Variants in FGGY observed in about 807,000 individuals in gnomAD.
The protein encoded by FGGY is FGGY carbohydrate kinase domain containing.
FGGY carries 72 observed loss-of-function variants against 71.3 expected under a neutral mutation model. The ratio of observed to expected loss-of-function variants is 1.01; its 90% confidence interval spans 0.84 to 1.23. The LOEUF (loss-of-function observed/expected upper bound fraction) is 1.23, where lower values mean the gene tolerates loss of function less well. FGGY is among the 50% of genes most tolerant of loss of function. FGGY has a pLI of 0.00. For missense variants in FGGY, 668 were observed against 682.3 expected, an observed-to-expected ratio of 0.98 and a Z score of 0.23; for synonymous variants, 251 against 250.3, an observed-to-expected ratio of 1.00 and a Z score of -0.02.
intron 6 of FGGY, among the ~76,000 whole-genome samples, chr1:59,494,208 G>C (rs1185538815): frequency 6.6e-6 from 1 of 152,170 alleles, no homozygotes; most frequent in Non-Finnish European, 1.5e-5. Flanking sequence ...CAGTAAGCAA[G>C]TATATACATA....
chr1:59,390,559 C>G (rs2060575857), intron 5 of FGGY, among the ~76,000 whole-genome samples: 1 of 152,158 alleles, frequency 6.6e-6, no homozygotes, highest in Non-Finnish European at 1.5e-5. Context: ...CTTAGAAGAT[C>G]TACGTCATAC....
At chr1:59,390,357 G>T (rs76391865) in intron 5 of FGGY, among the ~76,000 whole-genome samples, 1 of 152,066 alleles carries the variant, frequency 6.6e-6, no homozygotes, top group Non-Finnish European at 1.5e-5. Flanking sequence ...TCCCCATAAA[G>T]TCATCAAGGA....
chr1:59,515,512 CA>C (rs757041144), intron 7 of FGGY, among the ~76,000 whole-genome samples: 30 of 152,136 alleles, frequency 2.0e-4, no homozygotes, highest in African/African-American at 2.7e-4. Flanking sequence ...TGGGAGGGGC[CA>C]GGGGCGGAAT....
At chr1:59,499,299 G>GTTTTTTT (rs58170089) in intron 6 of FGGY, among the ~76,000 whole-genome samples, 2 of 105,792 alleles carry the variant, frequency 1.9e-5, no homozygotes, top group African/African-American at 3.9e-5. Flanking sequence ...TACTATGTTT[G>GTTTTTTT]TTTTTTTTTT....
At chr1:59,680,733 C>G (rs1242109132) in intron 14 of FGGY, 2 of 152,140 alleles carry the variant, frequency 1.3e-5, no homozygotes, top group Non-Finnish European at 2.9e-5. Context: ...TCATAGACCC[C>G]TTGAAGCAAC....
chr1:59,541,267 TG>T (rs757368396), intron 7 of FGGY, among the ~76,000 whole-genome samples: 9 of 152,046 alleles, frequency 5.9e-5, no homozygotes, highest in Non-Finnish European at 8.8e-5. Context: ...CATAGAAAGA[TG>T]ATGGAAGGGA....
intron 14 of FGGY, among the ~76,000 whole-genome samples, chr1:59,744,300 A>T (rs1356485774): frequency 2.6e-5 from 4 of 152,150 alleles, no homozygotes; most frequent in Non-Finnish European, 5.9e-5. Context: ...GGCTCACTGC[A>T]ACCTCCGCCT....
chr1:59,675,202 A>G (rs1342217532), intron 14 of FGGY, among the ~76,000 whole-genome samples: 1 of 152,142 alleles, frequency 6.6e-6, no homozygotes, highest in Admixed American at 6.6e-5. Context: ...GCAGAGTCCA[A>G]ATGACTTGCC....
At chr1:59,431,573 C>A (rs2067366987) in intron 5 of FGGY, among the ~76,000 whole-genome samples, 1 of 152,184 alleles carries the variant, frequency 6.6e-6, no homozygotes, top group Non-Finnish European at 1.5e-5. Context: ...TCCATGAGAT[C>A]ATCCAGGAAC....
chr1:59,487,791 G>A (rs538783448), intron 6 of FGGY, among the ~76,000 whole-genome samples: 6 of 151,970 alleles, frequency 3.9e-5, no homozygotes, highest in South Asian at 4.2e-4. Context: ...TCTTCTCACC[G>A]CTCCCACTCC....
chr1:59,331,264 A>T (rs2048415632), intron 2 of FGGY, among the ~76,000 whole-genome samples: 1 of 152,132 alleles, frequency 6.6e-6, no homozygotes, highest in African/African-American at 2.4e-5. Flanking sequence ...CCTTTATTTC[A>T]TCATCTTATC....
At chr1:59,536,831 T>G (rs956299893) in intron 7 of FGGY, among the ~76,000 whole-genome samples, 1 of 152,184 alleles carries the variant, frequency 6.6e-6, no homozygotes, top group Non-Finnish European at 1.5e-5. Context: ...AAATTAGATA[T>G]TGATGGGACA....
chr1:59,635,910 A>C (rs553535907), intron 10 of FGGY, among the ~76,000 whole-genome samples: 4 of 152,184 alleles, frequency 2.6e-5, no homozygotes, highest in Non-Finnish European at 5.9e-5. Flanking sequence ...CACAAGGAGA[A>C]GGGTTTAAAG....
At chr1:59,365,096 T>C (rs987621113) in intron 4 of FGGY, among the ~76,000 whole-genome samples, 11 of 152,186 alleles carry the variant, frequency 7.2e-5, no homozygotes, top group Non-Finnish European at 1.6e-4. Context: ...CCAGGAGACA[T>C]GTCTCAGAGG....
intron 1 of FGGY, among the ~76,000 whole-genome samples, chr1:59,313,698 C>T (rs893429891): frequency 6.6e-6 from 1 of 152,118 alleles, no homozygotes; most frequent in African/African-American, 2.4e-5. Context: ...AGTGAAGTAA[C>T]TCAGGAATGG....
chr1:59,677,474 A>ACGC (rs2097447535), intron 14 of FGGY, among the ~76,000 whole-genome samples: 1 of 152,200 alleles, frequency 6.6e-6, no homozygotes, highest in Admixed American at 6.5e-5. Flanking sequence ...CCTCCTTCAG[A>ACGC]TGCTGGGAAG....
At chr1:59,539,795 A>T (rs1380731978) in intron 7 of FGGY, among the ~76,000 whole-genome samples, 5 of 152,216 alleles carry the variant, frequency 3.3e-5, no homozygotes, top group African/African-American at 4.8e-5. Flanking sequence ...AGCTTCCATT[A>T]AAAGAGTGAA....
intron 8 of FGGY, among the ~76,000 whole-genome samples, chr1:59,578,221 A>G (rs2096119093): frequency 6.6e-6 from 1 of 152,152 alleles, no homozygotes; most frequent in African/African-American, 2.4e-5. Flanking sequence ...ATAAGGTTCA[A>G]CTAGAGGAGC....
intron 5 of FGGY, among the ~76,000 whole-genome samples, chr1:59,454,079 C>T (rs2091455244): frequency 6.6e-6 from 1 of 152,102 alleles, no homozygotes; most frequent in East Asian, 1.9e-4. Context: ...GAGGAGCTGA[C>T]ATTGGAACTG....
Sources: allele counts gnomAD v4.1 joint callset (sites outside exome capture counted in the v4.1 genomes callset), GRCh38; gene constraint gnomAD v4.1.1; transcripts MANE v1.5; gene names NCBI Gene and HGNC (gene_info 2026-07-23, HGNC 2026-07-21).